KIAA0825: variants seen among roughly 807,000 people sequenced by gnomAD.
The protein encoded by KIAA0825 is uncharacterized protein KIAA0825.
In KIAA0825, 119 loss-of-function variants were observed where a neutral mutation model predicts 147.6. That is an observed-to-expected ratio of 0.81 (90% CI 0.69 to 0.94). The LOEUF (loss-of-function observed/expected upper bound fraction) is 0.94. KIAA0825 is among the 40% of genes least tolerant of loss of function. The pLI is 0.00. For synonymous variants in KIAA0825, 470 were observed against 518.1 expected (o/e 0.91, Z 1.26); for missense variants, 1,381 against 1,472.7 (o/e 0.94, Z 1.02).
At chr5:94,564,489 G>GT (rs1778224381) in intron 2 of KIAA0825, among the ~76,000 whole-genome samples, 1 of 86,252 alleles carries the variant, frequency 1.2e-5, no homozygotes, top group East Asian at 4.3e-4. Context: ...TGTGTGTGAT[G>GT]GAGATGAGGT....
chr5:94,375,579 C>T (rs1253688084), intron 20 of KIAA0825, among the ~76,000 whole-genome samples: 2 of 152,120 alleles, frequency 1.3e-5, no homozygotes, highest in Non-Finnish European at 2.9e-5. Flanking sequence ...TAGTCAATTT[C>T]TCAAATTCTA....
chr5:94,519,833 T>A, intron 5 of KIAA0825: 1 of 648,316 alleles, frequency 1.5e-6, no homozygotes, highest in Non-Finnish European at 1.9e-6. Flanking sequence ...TGTATATAAC[T>A]AAATGTACAT....
intron 2 of KIAA0825, among the ~76,000 whole-genome samples, chr5:94,542,775 C>A (rs1397417592): frequency 6.6e-6 from 1 of 151,976 alleles, no homozygotes; most frequent in Non-Finnish European, 1.5e-5. Context: ...TCATTGCACT[C>A]CAGCCTGGGT....
intron 14 of KIAA0825, among the ~76,000 whole-genome samples, chr5:94,431,631 G>A (rs1440136457): frequency 6.6e-6 from 1 of 152,144 alleles, no homozygotes; most frequent in East Asian, 1.9e-4. Context: ...CAGATGCCAG[G>A]TAAACAGAGA....
rs553315884 is a variant in KIAA0825, at chr5:94,360,462, G to C, written c.3710+23906C>G. 8.5e-5 allele frequency among the ~76,000 whole-genome samples: 13 copies of C among 152,312 alleles called. No homozygotes were observed. The South Asian group carries it at 2.5e-3, about 29-fold the overall frequency. On this transcript the variant is annotated intron_variant, in intron 20 of 20. Transcript: ENST00000682413. The stretch of plus-strand genomic sequence containing the variant: ...TTAGGCATTCTAAGTCACAGGATGA[G>C]ATAGGAGGTTGGCACAAGATACAGG...
chr5:94,211,514 T>G (rs1037809490), intron 20 of KIAA0825, among the ~76,000 whole-genome samples: 1 of 152,160 alleles, frequency 6.6e-6, no homozygotes, highest in Non-Finnish European at 1.5e-5. Context: ...TTCCTTGCTC[T>G]AGGAAGCCTT....
chr5:94,288,898 T>G (rs1246044875), intron 20 of KIAA0825, among the ~76,000 whole-genome samples: 2 of 152,158 alleles, frequency 1.3e-5, no homozygotes, highest in African/African-American at 4.8e-5. Context: ...AAAATCGTAT[T>G]AAAAGACCTA....
At chr5:94,448,574 T>G (rs1168144085) in intron 13 of KIAA0825, among the ~76,000 whole-genome samples, 1 of 152,190 alleles carries the variant, frequency 6.6e-6, no homozygotes, top group Non-Finnish European at 1.5e-5. Flanking sequence ...ATGAATAAAT[T>G]ACTAAGTTCC....
At chr5:94,316,106 TGA>T (rs1562372630) in intron 20 of KIAA0825, among the ~76,000 whole-genome samples, 1 of 151,744 alleles carries the variant, frequency 6.6e-6, no homozygotes, top group South Asian at 2.1e-4. Flanking sequence ...CAAATGGTAA[TGA>T]GTGTCTGTAG....
chr5:94,583,731 T>C (rs1241741236), intron 1 of KIAA0825, among the ~76,000 whole-genome samples: 2 of 152,158 alleles, frequency 1.3e-5, no homozygotes, highest in Non-Finnish European at 2.9e-5. Flanking sequence ...CTCAAGTGGG[T>C]CCCTGACCCC....
At chr5:94,484,145 G>A (rs1173297403) in intron 6 of KIAA0825, among the ~76,000 whole-genome samples, 1 of 151,526 alleles carries the variant, frequency 6.6e-6, no homozygotes, top group Non-Finnish European at 1.5e-5. Context: ...AAGGGGTTTT[G>A]TTAAGACTAA....
At chr5:94,537,158 T>C in intron 2 of KIAA0825, 31 bp from the exon 3 acceptor site, 1 of 1,575,378 alleles carries the variant, frequency 6.3e-7, no homozygotes, top group South Asian at 1.2e-5. Flanking sequence ...ATAAAACATG[T>C]CAGTTCCCCC....
chr5:94,154,293 G>A (rs140550809), intron 20 of KIAA0825, among the ~76,000 whole-genome samples, 169 bp from the exon 21 acceptor site: 6 of 152,230 alleles, frequency 3.9e-5, no homozygotes, highest in South Asian at 2.1e-4. Context: ...CACTGCCCCC[G>A]CGGAGTGGGC....
intron 1 of KIAA0825, among the ~76,000 whole-genome samples, chr5:94,588,765 A>T (rs1451034645): frequency 6.6e-6 from 1 of 152,224 alleles, no homozygotes; most frequent in Non-Finnish European, 1.5e-5. Flanking sequence ...ACTATTCACA[A>T]TATCACAGAC....
At chr5:94,244,886 C>T (rs1412772404) in intron 20 of KIAA0825, among the ~76,000 whole-genome samples, 1 of 152,140 alleles carries the variant, frequency 6.6e-6, no homozygotes, top group Non-Finnish European at 1.5e-5. Context: ...TTTACATTTA[C>T]ATGGGGTACA....
chr5:94,299,000 G>T (rs1266050213), intron 20 of KIAA0825, among the ~76,000 whole-genome samples: 4 of 152,104 alleles, frequency 2.6e-5, no homozygotes, highest in African/African-American at 9.7e-5. Context: ...AAATAAGCAG[G>T]TAACTCAGTT....
intron 20 of KIAA0825, among the ~76,000 whole-genome samples, chr5:94,160,567 G>A (rs921150434): frequency 8.8e-5 from 13 of 147,320 alleles, no homozygotes; most frequent in Middle Eastern, 3.6e-3. Flanking sequence ...TATAAATACT[G>A]TATGTGTATA....
chr5:94,594,366 A>C (rs1198948821), intron 1 of KIAA0825: 1 of 752,796 alleles, frequency 1.3e-6, no homozygotes, highest in Non-Finnish European at 2.4e-6. Flanking sequence ...GCAGATTTAT[A>C]AAATGTTAGC....
chr5:94,543,719 T>C (rs976164044), intron 2 of KIAA0825, among the ~76,000 whole-genome samples: 1 of 152,108 alleles, frequency 6.6e-6, no homozygotes, highest in Non-Finnish European at 1.5e-5. Flanking sequence ...TAGCTTTCAG[T>C]AGGATTAAGT....
Sources: gnomAD v4.1 joint callset for allele counts (sites outside exome capture counted in the v4.1 genomes callset) on GRCh38, gnomAD v4.1.1 for gene constraint, MANE v1.5 for transcripts, NCBI Gene and HGNC (gene_info 2026-07-23, HGNC 2026-07-21) for gene names.